PRXL2C: variants seen among roughly 807,000 people sequenced by gnomAD.
PRXL2C encodes peroxiredoxin like 2C, also known as peroxiredoxin-like 2C.
PRXL2C carries 38 observed loss-of-function variants against 24.9 expected under a neutral mutation model. The observed-to-expected ratio is 1.53, with a 90% CI of 1.18 to 2.00. The LOEUF (loss-of-function observed/expected upper bound fraction) is 2.00. Among genes scored for constraint, PRXL2C ranks in the 30% most tolerant of loss-of-function variants. The pLI is 0.00. For synonymous variants in PRXL2C, 98 were observed against 117.2 expected, an observed-to-expected ratio of 0.84 and a Z score of 1.06; for missense variants, 294 against 290.9, an observed-to-expected ratio of 1.01 and a Z score of -0.08.
chr9:96,648,854 A>G (rs1848229869), intron 4 of PRXL2C, among the ~76,000 whole-genome samples: 1 of 151,970 alleles, frequency 6.6e-6, no homozygotes, highest in African/African-American at 2.4e-5. Flanking sequence ...GCTCACCACA[A>G]CCTCTGCCTT....
chr9:96,648,804 G>A (rs905473726), intron 4 of PRXL2C, among the ~76,000 whole-genome samples: 2 of 151,550 alleles, frequency 1.3e-5, no homozygotes, highest in African/African-American at 2.4e-5. Flanking sequence ...ACAGAGTTTC[G>A]CTCTTGTTGC....
chr9:96,648,766 T>C (rs537794445), intron 4 of PRXL2C, among the ~76,000 whole-genome samples: 1 of 152,172 alleles, frequency 6.6e-6, no homozygotes. Flanking sequence ...ACAGTTTATA[T>C]ATAAAGTGCT....
In PRXL2C at chr9:96,655,182, C is replaced by A; in HGVS notation, c.100G>T (p.Val34Leu). ...PDSGQPLAAA[V>L]AELPVLDARG... The stretch of plus-strand genomic sequence containing the variant: ...GCGTCCAGCACCGGCAGCTCGGCCA[C>A]GGCGGCCGCCAGGGGCTGCCCGCTG... The change falls in exon 1 of 6, where the codon GTG becomes TTG. Residue 34 changes from valine to leucine, a missense_variant. Transcript: ENST00000375234. The A allele has an allele frequency of 1.6e-6, 2 of 1,216,212 alleles. No individual in the cohort carries two copies. The highest frequency in any genetic ancestry group is 2.0e-6 in the Non-Finnish European group (2 of 979,830). The allele number at this position is 1,216,212 out of a possible 1,614,324, so 75.3% of individuals were successfully genotyped here. A position where few individuals can be genotyped will look rare whatever the true frequency, so the allele number is the denominator to read the frequency against.
In PRXL2C at chr9:96,655,193, AGGGGCTGCCCGCTGTC is replaced by A; in HGVS notation, c.73_88del (p.Asp25TrpfsTer46). On this transcript the variant is annotated frameshift_variant, in exon 1 of 6. Transcript: ENST00000375234. LOFTEE classifies it high-confidence loss of function. The stretch of plus-strand genomic sequence containing the variant: ...CGGCAGCTCGGCCACGGCGGCCGCC[AGGGGCTGCCCGCTGTC>A]GGGGCCGCTCGGGGCCGGGACCAGG... 1 of 1,203,302 alleles carries A rather than the reference AGGGGCTGCCCGCTGTC, an allele frequency of 8.3e-7. No homozygotes were observed. Among genetic ancestry groups the A allele is most frequent in the East Asian group, 3.6e-5 (1 of 27,660 alleles). The allele number at this position is 1,203,302 out of a possible 1,614,324, so 74.5% of individuals were successfully genotyped here. A position where few individuals can be genotyped will look rare whatever the true frequency, so the allele number is the denominator to read the frequency against.
chr9:96,653,496 G>A (rs1588104185), intron 2 of PRXL2C, among the ~76,000 whole-genome samples: 2 of 152,126 alleles, frequency 1.3e-5, no homozygotes, highest in East Asian at 1.9e-4. Flanking sequence ...TTAAACAAGA[G>A]GAATAACTTT....
intron 2 of PRXL2C, among the ~76,000 whole-genome samples, chr9:96,652,520 CAA>C (rs1254621971): frequency 3.7e-4 from 21 of 56,356 alleles, no homozygotes; most frequent in Admixed American, 4.0e-4. Context: ...GACTCCGCCT[CAA>C]AAAAAAAAAA....
intron 4 of PRXL2C, 54 bp from the exon 5 acceptor site, chr9:96,646,078 A>G: frequency 1.3e-6 from 2 of 1,507,506 alleles, no homozygotes; most frequent in Non-Finnish European, 1.8e-6. Context: ...TTTGATATTA[A>G]GAAGATAATG....
chr9:96,654,516 G>A (rs1409434632), intron 2 of PRXL2C, among the ~76,000 whole-genome samples, 189 bp downstream of exon 2: 1 of 152,214 alleles, frequency 6.6e-6, no homozygotes, highest in East Asian at 1.9e-4. Flanking sequence ...TTACCACCAG[G>A]CAGCACCCAA....
chr9:96,646,773 T>C (rs1196681089), intron 4 of PRXL2C, among the ~76,000 whole-genome samples: 1 of 152,090 alleles, frequency 6.6e-6, no homozygotes, highest in East Asian at 1.9e-4. Flanking sequence ...GGCATCCAAA[T>C]AGAAAAACCG....
intron 2 of PRXL2C, among the ~76,000 whole-genome samples, chr9:96,654,118 G>A (rs753272557): frequency 4.6e-5 from 7 of 152,204 alleles, no homozygotes; most frequent in Non-Finnish European, 8.8e-5. Flanking sequence ...GGGATTACAG[G>A]CGTGAGCCAC....
At chr9:96,644,003 G>C (rs1848156354) in intron 5 of PRXL2C, among the ~76,000 whole-genome samples, 1 of 151,826 alleles carries the variant, frequency 6.6e-6, no homozygotes. Context: ...TGTGGTGGCA[G>C]GCGCCTGTAG....
Position 96,640,079 on chromosome 9 carries a change from G to A in PRXL2C, c.*1680C>T, listed in dbSNP as rs1387284966. The stretch of plus-strand genomic sequence containing the variant: ...TTGCACTCCATCCTGTGCAACAAGA[G>A]TGAAACTCCGTCTCAAAAAAAAAAA... On this transcript the variant is annotated 3_prime_UTR_variant, in exon 6 of 6. Transcript: ENST00000375234. The A allele has an allele frequency of 6.8e-6, 1 of 146,060 alleles. No individual in the cohort carries two copies. Among genetic ancestry groups the A allele is most frequent in the Admixed American group, 6.8e-5 (1 of 14,766 alleles). The allele number at this position is 146,060 out of a possible 1,614,324, so 9.0% of individuals were successfully genotyped here.
At chr9:96,643,599 A>T (rs1258441695) in intron 5 of PRXL2C, among the ~76,000 whole-genome samples, 1 of 152,206 alleles carries the variant, frequency 6.6e-6, no homozygotes, top group Non-Finnish European at 1.5e-5. Context: ...ATTCAGAGAC[A>T]TGGAGATAAG....
Position 96,640,021 on chromosome 9 carries a change from AG to A in PRXL2C, c.*1737del, listed in dbSNP as rs1848093734. On this transcript the variant is annotated 3_prime_UTR_variant, in exon 6 of 6. Coordinates refer to ENST00000375234, the MANE Select transcript of PRXL2C (RefSeq NM_153698.2). ...GGCAGGAGAATCACTTGAACCCGGG[AG>A]GTGGAGGTTGCAGTGAGCCGAGATC... 1 of 149,468 alleles carries A rather than the reference AG, an allele frequency of 6.7e-6. No homozygotes were observed. Among genetic ancestry groups the A allele is most frequent in the Non-Finnish European group, 1.5e-5 (1 of 67,660 alleles). 9.3% of individuals were successfully genotyped at this position (149,468 alleles called of 1,614,324 possible).
In PRXL2C at chr9:96,655,313, C is replaced by G; in HGVS notation, c.-32G>C. 2 of 1,030,756 alleles carry G rather than the reference C, an allele frequency of 1.9e-6. No individual in the cohort carries two copies. The highest frequency in any genetic ancestry group is 8.7e-5 in the East Asian group (1 of 11,490). The allele number at this position is 1,030,756 out of a possible 1,614,324, so 63.9% of individuals were successfully genotyped here. On this transcript the variant is annotated 5_prime_UTR_variant, in exon 1 of 6. Transcript: ENST00000375234. Reference sequence around the variant, plus strand: ...GGGCGGCCGAGGGCCTGGGTCCGCTCTGTCAGCGCGGACCGGGGCGGGGCG... The same window carrying G: ...GGGCGGCCGAGGGCCTGGGTCCGCTGTGTCAGCGCGGACCGGGGCGGGGCG...
chr9:96,651,318 T>A, intron 4 of PRXL2C, 72 bp downstream of exon 4: 1 of 1,093,320 alleles, frequency 9.1e-7, no homozygotes, highest in Non-Finnish European at 1.3e-6. Flanking sequence ...TGACCATGTT[T>A]CCCTATGCAT....
intron 5 of PRXL2C, among the ~76,000 whole-genome samples, chr9:96,645,426 C>T (rs1442759804): frequency 6.6e-6 from 1 of 151,946 alleles, no homozygotes; most frequent in Non-Finnish European, 1.5e-5. Context: ...ACAAAAGATG[C>T]CCCCCTACAA....
intron 1 of PRXL2C, 22 bp downstream of exon 1, chr9:96,655,068 T>G (rs1365813799): frequency 2.1e-6 from 3 of 1,458,266 alleles, no homozygotes; most frequent in African/African-American, 3.0e-5. Flanking sequence ...GCGCTTCCCT[T>G]CCAGCCCCGC....
At chr9:96,653,780 T>C (rs1464359554) in intron 2 of PRXL2C, among the ~76,000 whole-genome samples, 1 of 151,916 alleles carries the variant, frequency 6.6e-6, no homozygotes, top group African/African-American at 2.4e-5. Context: ...CAAAATGATA[T>C]AGTAAATAAT....
Sources: gnomAD v4.1 joint callset for allele counts (sites outside exome capture counted in the v4.1 genomes callset) on GRCh38, gnomAD v4.1.1 for gene constraint, MANE v1.5 for transcripts, NCBI Gene and HGNC (gene_info 2026-07-23, HGNC 2026-07-21) for gene names.